PCDHA11: variants seen among roughly 807,000 people sequenced by gnomAD.
PCDHA11 encodes the protein protocadherin alpha 11, also known as protocadherin alpha-11.
PCDHA11 carries 61 observed loss-of-function variants against 70.3 expected under a neutral mutation model. The observed-to-expected ratio is 0.87, with a 90% confidence interval of 0.71 to 1.07. The LOEUF is 1.07. Ranked by LOEUF, PCDHA11 falls within the 50% of genes least tolerant of loss-of-function variation. PCDHA11 has a pLI of 0.00. For missense variants in PCDHA11, 1,324 were observed against 1,237.5 expected, an observed-to-expected ratio of 1.07 and a Z score of -1.05; for synonymous variants, 633 against 555.1, an observed-to-expected ratio of 1.14 and a Z score of -1.97.
At chr5:140,996,755 C>T (rs1335663800) in intron 3 of PCDHA11, among the ~76,000 whole-genome samples, 2 of 152,142 alleles carry the variant, frequency 1.3e-5, no homozygotes, top group Non-Finnish European at 2.9e-5. Context: ...TATATCTGTG[C>T]AGGACTAAAA....
intron 1 of PCDHA11, among the ~76,000 whole-genome samples, chr5:140,940,939 C>T (rs930086780): frequency 2.0e-5 from 3 of 152,154 alleles, no homozygotes; most frequent in African/African-American, 2.4e-5. Context: ...ACTTAGACTA[C>T]GTATTCTCAG....
chr5:141,002,146 CT>C (rs2098061512), intron 3 of PCDHA11, among the ~76,000 whole-genome samples: 1 of 152,250 alleles, frequency 6.6e-6, no homozygotes, highest in Admixed American at 6.5e-5. Flanking sequence ...GCTGCACTGA[CT>C]TAGCAGAGTG....
In PCDHA11 at chr5:140,869,737, C is replaced by T. The variant is rs781857700; in HGVS notation, c.634C>T (p.Leu212=). The stretch of plus-strand genomic sequence containing the variant: ...GAAAACTCCGGAACTTAATTTGCTG[C>T]TAACAGCTACAGACGGGGGAAAACC... ...REKTPELNLL[L]TATDGGKPEL... is the part of the protein sequence containing the mutation. The change falls in exon 1 of 4, where the codon CTA becomes TTA. Residue 212 remains leucine (L), a synonymous_variant. Coordinates refer to ENST00000398640, the MANE Select transcript of PCDHA11 (RefSeq NM_018902.5). 4 of 1,613,276 alleles carry T rather than the reference C, an allele frequency of 2.5e-6. No individual in the cohort carries two copies. Among genetic ancestry groups the T allele is most frequent in the Admixed American group, 1.7e-5 (1 of 60,010 alleles).
rs552604909 is a variant in PCDHA11, at chr5:141,005,474, C to T, written c.2540-4153C>T. ...ATCCCAGCACTTTGGGAGGCCGAGACGGGCGGATCATGAGGTCAGGAGATC... is the reference window on the plus strand; with the variant it reads ...ATCCCAGCACTTTGGGAGGCCGAGATGGGCGGATCATGAGGTCAGGAGATC... On this transcript the variant is annotated intron_variant, in intron 3 of 3. Coordinates refer to ENST00000398640, the MANE Select transcript of PCDHA11 (RefSeq NM_018902.5). 1.6e-3 allele frequency among the ~76,000 whole-genome samples: 236 copies of T among 151,848 alleles called. 1 individual carries two copies. The highest frequency in any genetic ancestry group is 4.9e-3 in the African/African-American group (204 of 41,424).
At chr5:141,007,395 CAAAAAAAAAAAA>C (rs35800918) in intron 3 of PCDHA11, among the ~76,000 whole-genome samples, 1 of 94,866 alleles carries the variant, frequency 1.1e-5, no homozygotes, top group Non-Finnish European at 2.1e-5. Flanking sequence ...TACTAAAATA[CAAAAAAAAAAAA>C]AAAAAAAAAA....
At chr5:140,922,241 G>A (rs1314775680) in intron 1 of PCDHA11, among the ~76,000 whole-genome samples, 1 of 152,192 alleles carries the variant, frequency 6.6e-6, no homozygotes, top group Non-Finnish European at 1.5e-5. Context: ...TGATGTGTAT[G>A]AAGATAAGTT....
At chr5:140,928,639 G>A in intron 1 of PCDHA11, 1 of 1,614,218 alleles carries the variant, frequency 6.2e-7, no homozygotes, top group Non-Finnish European at 8.5e-7. Context: ...GGTCACAAAA[G>A]TGGTAGCAGA....
At chr5:140,992,949 T>G (rs1554253294) in intron 3 of PCDHA11, among the ~76,000 whole-genome samples, 1 of 152,162 alleles carries the variant, frequency 6.6e-6, no homozygotes, top group Admixed American at 6.5e-5. Context: ...GGAGATTAAA[T>G]CACCCCTTAT....
At chr5:140,965,639 C>G (rs781995485) in intron 1 of PCDHA11, among the ~76,000 whole-genome samples, 1 of 152,000 alleles carries the variant, frequency 6.6e-6, no homozygotes, top group Non-Finnish European at 1.5e-5. Flanking sequence ...TTTTAAATTA[C>G]TCTTGAAAGA....
intron 1 of PCDHA11, chr5:140,884,705 C>G (rs1156324848): frequency 3.4e-6 from 5 of 1,491,236 alleles, no homozygotes; most frequent in African/African-American, 1.4e-5. Flanking sequence ...AACACTTTAG[C>G]CTTCCTTGCA....
chr5:140,898,913 G>T (rs1554188302), intron 1 of PCDHA11, among the ~76,000 whole-genome samples: 1 of 152,066 alleles, frequency 6.6e-6, no homozygotes, highest in Non-Finnish European at 1.5e-5. Context: ...CACGTCCCTT[G>T]TAAGTTGGAT....
chr5:140,896,092 TG>T (rs2065379013), intron 1 of PCDHA11, among the ~76,000 whole-genome samples: 1 of 152,194 alleles, frequency 6.6e-6, no homozygotes, highest in Non-Finnish European at 1.5e-5. Context: ...ATTACAGGCG[TG>T]AGCCACTGTG....
At chr5:140,883,662 A>G (rs371713279) in intron 1 of PCDHA11, 3 of 1,613,586 alleles carry the variant, frequency 1.9e-6, no homozygotes, top group Non-Finnish European at 2.5e-6. Context: ...GTGTTCGTGA[A>G]GGAAAACAAT....
chr5:140,921,498 A>G (rs2080245132), intron 1 of PCDHA11, among the ~76,000 whole-genome samples: 1 of 152,230 alleles, frequency 6.6e-6, no homozygotes, highest in African/African-American at 2.4e-5. Context: ...TTAGTTTATT[A>G]GATAGTGCCT....
chr5:140,966,374 C>G (rs2095995934), intron 1 of PCDHA11: 1 of 405,056 alleles, frequency 2.5e-6, no homozygotes, highest in South Asian at 1.3e-4. Flanking sequence ...GCTGAGCAGT[C>G]CGGGTTCGCT....
chr5:140,989,534 A>G (rs1201139003), intron 3 of PCDHA11, among the ~76,000 whole-genome samples: 1 of 152,184 alleles, frequency 6.6e-6, no homozygotes, highest in African/African-American at 2.4e-5. Flanking sequence ...GGAGGAAGAT[A>G]GTTTGTAATT....
In PCDHA11 at chr5:140,870,817, G is replaced by A; in HGVS notation, c.1714G>A (p.Ala572Thr). ...ACTGCTGGCGACTCAGGCTGGCAGC[G>A]CGGGAGGCGCAGTTAACAAGCTAGT... Reference protein sequence around the residue: ...PALLATQAGSAGGAVNKLVPR... With the variant: ...PALLATQAGSTGGAVNKLVPR... Residue 572 changes from alanine (A) to threonine (T), a missense_variant, in exon 1 of 4, where the codon GCG becomes ACG. By Grantham distance (58) the Ala-to-Thr change is moderately conservative. Transcript: ENST00000398640. The A allele has an allele frequency of 3.7e-6, 6 of 1,613,726 alleles. No individual in the cohort carries two copies. The highest frequency in any genetic ancestry group is 5.1e-6 in the Non-Finnish European group (6 of 1,179,892).
At chr5:141,007,806 T>G (rs979059299) in intron 3 of PCDHA11, among the ~76,000 whole-genome samples, 12 of 152,220 alleles carry the variant, frequency 7.9e-5, no homozygotes, top group Non-Finnish European at 1.3e-4. Context: ...TATCTGCCAT[T>G]CATTTGCCTT....
intron 1 of PCDHA11, chr5:140,877,509 G>A (rs781824762): frequency 5.6e-6 from 9 of 1,613,700 alleles, no homozygotes; most frequent in Non-Finnish European, 7.6e-6. Context: ...CAAAGACGTC[G>A]TCGCGGGCCT....
Sources: gnomAD v4.1 joint callset for allele counts (sites outside exome capture counted in the v4.1 genomes callset) on GRCh38, gnomAD v4.1.1 for gene constraint, MANE v1.5 for transcripts, NCBI Gene and HGNC (gene_info 2026-07-23, HGNC 2026-07-21) for gene names.